Variants in SRBD1 observed in about 807,000 individuals in gnomAD.
SRBD1 encodes the protein S1 RNA-binding domain-containing protein 1.
In SRBD1, 88 loss-of-function variants were observed where a neutral mutation model predicts 115.3. That is an observed-to-expected ratio of 0.76 (90% CI 0.64 to 0.91). The LOEUF (loss-of-function observed/expected upper bound fraction) is 0.91. SRBD1 is among the 40% of genes least tolerant of loss of function. The probability of loss-of-function intolerance (pLI) is 0.00; values close to 1 mark genes in which losing one functional copy is unlikely to be tolerated. For missense variants in SRBD1, 1,385 were observed against 1,177.4 expected, an observed-to-expected ratio of 1.18 and a Z score of -2.58; for synonymous variants, 509 against 407.7, an observed-to-expected ratio of 1.25 and a Z score of -2.99.
intron 4 of SRBD1, 56 bp downstream of exon 4, chr2:45,599,393 T>G (rs1674015022): frequency 1.9e-6 from 3 of 1,567,670 alleles, no homozygotes; most frequent in Non-Finnish European, 8.6e-7. Context: ...ACCCCTATGC[T>G]AGTCAAAAAG....
intron 16 of SRBD1, among the ~76,000 whole-genome samples, chr2:45,446,898 CTA>C (rs1422612763): frequency 6.6e-6 from 1 of 152,130 alleles, no homozygotes; most frequent in African/African-American, 2.4e-5. Flanking sequence ...TCCACTGAAA[CTA>C]TTATTCAAGC....
At chr2:45,426,245 T>C (rs1668150654) in intron 16 of SRBD1, among the ~76,000 whole-genome samples, 1 of 152,170 alleles carries the variant, frequency 6.6e-6, no homozygotes, top group Non-Finnish European at 1.5e-5. Flanking sequence ...AAGTTTGAAC[T>C]AGATGGAGCC....
In SRBD1 at chr2:45,602,031, T is replaced by C. The variant is rs1674110199; in HGVS notation, c.133A>G (p.Lys45Glu). The C allele has an allele frequency of 6.2e-7, 1 of 1,614,172 alleles. No individual in the cohort carries two copies. The highest frequency in any genetic ancestry group is 1.7e-4 in the Middle Eastern group (1 of 6,060). The stretch of plus-strand genomic sequence containing the variant: ...TGTTTACGGCTTCTGGGAACTTTCT[T>C]TTGGGGCTCCCAGGCACTATCTTCC... ...DKEDSAWEPQ[K>E]KVPRSRKQPP... The change falls in exon 3 of 21, where the codon AAG becomes GAG. Residue 45 changes from lysine to glutamate, a missense_variant. Physicochemically the swap from Lys to Glu is moderately conservative, Grantham distance 56. Transcript: ENST00000263736.
At chr2:45,557,532 T>C (rs1672520712) in intron 10 of SRBD1, among the ~76,000 whole-genome samples, 1 of 152,208 alleles carries the variant, frequency 6.6e-6, no homozygotes, top group African/African-American at 2.4e-5. Context: ...ATTTAATACT[T>C]GAGGATGCCT....
At chr2:45,426,720 T>C (rs1179833393) in intron 16 of SRBD1, among the ~76,000 whole-genome samples, 1 of 151,992 alleles carries the variant, frequency 6.6e-6, no homozygotes, top group African/African-American at 2.4e-5. Context: ...GGGTCTGGAG[T>C]GGACCCCCAG....
At chr2:45,562,541 C>T in intron 10 of SRBD1, 112 bp downstream of exon 10, 1 of 860,366 alleles carries the variant, frequency 1.2e-6, no homozygotes, top group South Asian at 2.7e-5. Flanking sequence ...CTGTCACTGG[C>T]TTTTTAAAAA....
intron 14 of SRBD1, among the ~76,000 whole-genome samples, chr2:45,501,669 C>A (rs1670635063): frequency 6.6e-6 from 1 of 152,218 alleles, no homozygotes; most frequent in African/African-American, 2.4e-5. Flanking sequence ...GAGGGTCCCA[C>A]ACCCACAGAG....
intron 18 of SRBD1, among the ~76,000 whole-genome samples, chr2:45,414,421 CATATATACAT>C (rs1027071396): frequency 2.0e-5 from 3 of 151,572 alleles, no homozygotes; most frequent in African/African-American, 7.3e-5. Flanking sequence ...TGTATATACA[CATATATACAT>C]ATACACTATA....
intron 19 of SRBD1, among the ~76,000 whole-genome samples, chr2:45,395,998 C>T (rs1484860852): frequency 1.3e-5 from 2 of 152,084 alleles, no homozygotes; most frequent in Non-Finnish European, 2.9e-5. Flanking sequence ...AATAAAAACA[C>T]ACTGCTTTAT....
At position 45,418,408 on chromosome 2, in the gene SRBD1, C is replaced by G; in HGVS notation, c.2290G>C (p.Gly764Arg). 1.2e-6 allele frequency: 2 copies of G among 1,613,852 alleles called. No individual in the cohort carries two copies. Among genetic ancestry groups the G allele is most frequent in the Non-Finnish European group, 1.7e-6 (2 of 1,179,940 alleles). Residue 764 changes from glycine (G) to arginine (R), a missense_variant, in exon 18 of 21, where the codon GGC (glycine) becomes CGC (arginine). Physicochemically the swap from Gly to Arg is moderately radical, Grantham distance 125. Transcript: ENST00000263736. ...LGPKSFQQCA[G>R]FIRINQDYIR... is the part of the protein sequence containing the mutation. ...TAATCCTGGTTGATTCTGATGAAGC[C>G]AGCACACTGTTGGAAGGATTTTGGG...
intron 19 of SRBD1, among the ~76,000 whole-genome samples, chr2:45,412,277 T>C (rs942413931): frequency 1.3e-5 from 2 of 152,148 alleles, no homozygotes; most frequent in African/African-American, 2.4e-5. Flanking sequence ...AATTTTTTCA[T>C]CATAAAACTG....
intron 16 of SRBD1, among the ~76,000 whole-genome samples, chr2:45,425,014 C>G (rs1036517153): frequency 2.0e-5 from 3 of 152,198 alleles, no homozygotes; most frequent in African/African-American, 7.2e-5. Context: ...GAGACTGTTT[C>G]TTCATTGATA....
At chr2:45,572,873 G>T (rs1158168530) in intron 9 of SRBD1, among the ~76,000 whole-genome samples, 2 of 152,064 alleles carry the variant, frequency 1.3e-5, no homozygotes, top group African/African-American at 4.8e-5. Context: ...TCTCATATTT[G>T]TATTTCACAG....
intron 14 of SRBD1, among the ~76,000 whole-genome samples, chr2:45,493,227 G>T (rs996984031): frequency 2.6e-5 from 4 of 152,150 alleles, no homozygotes; most frequent in Non-Finnish European, 5.9e-5. Flanking sequence ...ACTTGCACTA[G>T]GTTTCTCAAC....
At chr2:45,554,706 A>G (rs6747801) in intron 10 of SRBD1, among the ~76,000 whole-genome samples, 122,271 of 152,040 alleles carry the variant, frequency 0.8, 49,950 homozygotes, top group African/African-American at 0.93. Context: ...CAGGAAAGAA[A>G]GGAGGGCTAG....
intron 14 of SRBD1, among the ~76,000 whole-genome samples, chr2:45,540,100 T>C (rs1294520607): frequency 6.6e-6 from 1 of 152,148 alleles, no homozygotes; most frequent in African/African-American, 2.4e-5. Flanking sequence ...CCCAGCACTT[T>C]GGGAGGCCAT....
chr2:45,610,204 T>C (rs2104278293), intron 1 of SRBD1, among the ~76,000 whole-genome samples: 1 of 152,266 alleles, frequency 6.6e-6, no homozygotes, highest in East Asian at 1.9e-4. Flanking sequence ...GAAGAGCCAC[T>C]AAACTAGGAC....
chr2:45,568,832 A>C (rs1414801210), intron 9 of SRBD1, among the ~76,000 whole-genome samples: 1 of 152,258 alleles, frequency 6.6e-6, no homozygotes, highest in Non-Finnish European at 1.5e-5. Context: ...ATACTTAGTC[A>C]CTGGTACTAT....
rs148326625 is a variant in SRBD1, at chr2:45,569,940, A to T, written c.1305+3267T>A. The stretch of plus-strand genomic sequence containing the variant: ...ATTTTGAATGTGTAAGAACTCAGAG[A>T]ATATTGTACACATATACCTTTCTTC... On this transcript the variant is annotated intron_variant, in intron 9 of 20. Transcript: ENST00000263736. Among the ~76,000 whole-genome samples, 350 of 152,360 alleles carry T rather than the reference A, an allele frequency of 2.3e-3. 2 individuals are homozygous for T. Among genetic ancestry groups the T allele is most frequent in the African/African-American group, 8.1e-3 (335 of 41,588 alleles).
Sources: gnomAD v4.1 joint callset for allele counts (sites outside exome capture counted in the v4.1 genomes callset) on GRCh38, gnomAD v4.1.1 for gene constraint, MANE v1.5 for transcripts, NCBI Gene and HGNC (gene_info 2026-07-23, HGNC 2026-07-21) for gene names.